Variants in PRKN observed in about 807,000 individuals in gnomAD.
PRKN encodes the protein parkin RBR E3 ubiquitin protein ligase, also known as E3 ubiquitin-protein ligase parkin.
In PRKN, 56 loss-of-function variants were observed where a neutral mutation model predicts 59.5. The ratio of observed to expected loss-of-function variants is 0.94; its 90% CI spans 0.76 to 1.18. The LOEUF is 1.18. Ranked by LOEUF, PRKN falls within the 50% of genes most tolerant of loss-of-function variation. The pLI is 0.00. For synonymous variants in PRKN, 250 were observed against 222.1 expected (o/e 1.13, Z -1.12); for missense variants, 657 against 596.4 (o/e 1.10, Z -1.06).
rs111381979 is a variant in PRKN, at chr6:161,489,282, G to C, written c.1083+59572C>G. On this transcript the variant is annotated intron_variant, in intron 9 of 11. Coordinates refer to ENST00000366898, the MANE Select transcript of PRKN (RefSeq NM_004562.3). ...ATCATAAAAATACAAATTTCTGGCC[G>C]GGCACAGTGGCTCATGCCTGCAACC... Among the ~76,000 whole-genome samples, 4 of 151,838 alleles carry C rather than the reference G, an allele frequency of 2.6e-5. No individual in the cohort carries two copies. In the South Asian group the frequency reaches 8.3e-4, roughly 32 times the overall value.
intron 1 of PRKN, among the ~76,000 whole-genome samples, chr6:162,692,569 G>C (rs995563103): frequency 1.6e-3 from 93 of 58,274 alleles, no homozygotes; most frequent in Non-Finnish European, 2.9e-3. Flanking sequence ...CTACAAGACA[G>C]ACCCCCCCCA....
chr6:162,686,433 T>C (rs1562496491), intron 1 of PRKN, among the ~76,000 whole-genome samples: 1 of 152,284 alleles, frequency 6.6e-6, no homozygotes, highest in East Asian at 1.9e-4. Context: ...TTGTTTTGTT[T>C]TTCTTTTGTG....
intron 1 of PRKN, among the ~76,000 whole-genome samples, chr6:162,623,773 T>C: frequency 6.6e-6 from 1 of 152,128 alleles, no homozygotes; most frequent in East Asian, 1.9e-4. Context: ...ATTTTAAAAA[T>C]TTTGGTAGAA....
intron 1 of PRKN, among the ~76,000 whole-genome samples, chr6:162,591,971 G>C (rs1290358763): frequency 6.6e-6 from 1 of 151,186 alleles, no homozygotes; most frequent in Non-Finnish European, 1.5e-5. Flanking sequence ...AGTTTACAAA[G>C]AGTCTTCAAA....
chr6:162,639,844 C>A (rs900997945), intron 1 of PRKN, among the ~76,000 whole-genome samples: 1 of 152,078 alleles, frequency 6.6e-6, no homozygotes, highest in South Asian at 2.1e-4. Flanking sequence ...ACACAGGCCT[C>A]GAGTTTGATC....
intron 1 of PRKN, among the ~76,000 whole-genome samples, chr6:162,684,175 C>T (rs1231938945): frequency 6.6e-6 from 1 of 152,040 alleles, no homozygotes; most frequent in African/African-American, 2.4e-5. Context: ...AACATGCAGG[C>T]TGGATTTTAC....
chr6:162,562,013 G>A (rs374641143), intron 1 of PRKN, among the ~76,000 whole-genome samples: 1 of 152,160 alleles, frequency 6.6e-6, no homozygotes, highest in East Asian at 1.9e-4. Flanking sequence ...AGGCTGCACA[G>A]TTCTCAGCTC....
At chr6:161,958,464 A>G (rs1468638297) in intron 6 of PRKN, among the ~76,000 whole-genome samples, 1 of 152,214 alleles carries the variant, frequency 6.6e-6, no homozygotes, top group East Asian at 1.9e-4. Context: ...AGAGAAATTT[A>G]AAGTAATTTC....
At chr6:162,194,389 A>T (rs888885537) in intron 4 of PRKN, among the ~76,000 whole-genome samples, 3 of 152,318 alleles carry the variant, frequency 2.0e-5, no homozygotes, top group East Asian at 3.9e-4. Context: ...TAAGTGAGAA[A>T]ATTCAATGGT....
At chr6:162,550,019 TTGTC>T (rs1779274616) in intron 1 of PRKN, among the ~76,000 whole-genome samples, 1 of 152,156 alleles carries the variant, frequency 6.6e-6, no homozygotes, top group Non-Finnish European at 1.5e-5. Context: ...GTCTCACCGT[TTGTC>T]TGGTGTTTTA....
At chr6:162,391,778 T>C (rs966787348) in intron 2 of PRKN, among the ~76,000 whole-genome samples, 1 of 152,210 alleles carries the variant, frequency 6.6e-6, no homozygotes, top group Non-Finnish European at 1.5e-5. Context: ...GCATTCTGCC[T>C]GGAAATATGT....
At chr6:162,176,728 TGATA>T (rs1783555033) in intron 4 of PRKN, among the ~76,000 whole-genome samples, 1 of 152,052 alleles carries the variant, frequency 6.6e-6, no homozygotes, top group Non-Finnish European at 1.5e-5. Flanking sequence ...CAGTGGAAAC[TGATA>T]GACTAGAACA....
intron 7 of PRKN, among the ~76,000 whole-genome samples, chr6:161,706,756 C>T (rs1023807987): frequency 2.0e-5 from 3 of 152,088 alleles, no homozygotes; most frequent in Non-Finnish European, 2.9e-5. Flanking sequence ...TGGGGTTTTG[C>T]CATGTTGGCC....
intron 1 of PRKN, among the ~76,000 whole-genome samples, chr6:162,482,534 A>C (rs2128182658): frequency 6.6e-6 from 1 of 152,312 alleles, no homozygotes; most frequent in South Asian, 2.1e-4. Flanking sequence ...AACAAACAAA[A>C]CCAGCAATAA....
At chr6:161,775,590 G>T (rs1789890297) in intron 7 of PRKN, among the ~76,000 whole-genome samples, 1 of 152,088 alleles carries the variant, frequency 6.6e-6, no homozygotes, top group Admixed American at 6.6e-5. Context: ...TAATATGCGT[G>T]TTGGCCATTT....
chr6:162,589,870 G>A (rs1008092089), intron 1 of PRKN, among the ~76,000 whole-genome samples: 5 of 152,070 alleles, frequency 3.3e-5, no homozygotes, highest in Non-Finnish European at 5.9e-5. Context: ...TGGTAATACT[G>A]TACTTGACAT....
intron 9 of PRKN, among the ~76,000 whole-genome samples, chr6:161,431,464 A>T (rs1788643625): frequency 6.6e-6 from 1 of 151,984 alleles, no homozygotes; most frequent in Non-Finnish European, 1.5e-5. Context: ...CATATCATAA[A>T]ATGTTTATTC....
At chr6:162,415,773 C>T (rs939478699) in intron 2 of PRKN, among the ~76,000 whole-genome samples, 3 of 152,014 alleles carry the variant, frequency 2.0e-5, no homozygotes, top group African/African-American at 4.8e-5. Flanking sequence ...GCCCAAATTG[C>T]GCCACTGCAC....
intron 6 of PRKN, among the ~76,000 whole-genome samples, chr6:161,896,474 G>T (rs535816672): frequency 7.9e-5 from 12 of 152,292 alleles, no homozygotes; most frequent in Admixed American, 5.2e-4. Context: ...TGCCTGACAT[G>T]TGAGCCCCTC....
Sources: allele counts gnomAD v4.1 joint callset (sites outside exome capture counted in the v4.1 genomes callset), GRCh38; gene constraint gnomAD v4.1.1; transcripts MANE v1.5; gene names NCBI Gene and HGNC (gene_info 2026-07-23, HGNC 2026-07-21).